The following BCAS3 variants were observed in gnomAD, a reference collection of about 807,000 sequenced individuals.
The protein encoded by BCAS3 is BCAS3 microtubule associated cell migration factor, also known as BCAS4/BCAS3 fusion.
In BCAS3, 53 loss-of-function variants were observed where a neutral mutation model predicts 116.1. That is an observed-to-expected ratio of 0.46 (90% CI 0.37 to 0.57). The LOEUF is 0.57. Ranked by LOEUF, BCAS3 falls within the 20% of genes least tolerant of loss-of-function variation. The probability of loss-of-function intolerance (pLI) is 0.00; values close to 1 mark genes in which losing one functional copy is unlikely to be tolerated. For synonymous variants in BCAS3, 391 were observed against 408.2 expected, an observed-to-expected ratio of 0.96 and a Z score of 0.51; for missense variants, 917 against 1,165.4, an observed-to-expected ratio of 0.79 and a Z score of 3.10.
chr17:61,030,602 G>A (rs571820440), intron 16 of BCAS3, among the ~76,000 whole-genome samples: 57 of 152,076 alleles, frequency 3.7e-4, no homozygotes, highest in Middle Eastern at 6.8e-3. Flanking sequence ...ACAGTTAAGC[G>A]TTTCCTCAGA....
At chr17:60,979,299 CT>C (rs1450980114) in intron 14 of BCAS3, among the ~76,000 whole-genome samples, 4 of 147,724 alleles carry the variant, frequency 2.7e-5, no homozygotes. Context: ...ATTTGGCTCT[CT>C]GTTTGTCTGT....
chr17:61,327,132 A>G lies in BCAS3; in HGVS notation c.2426-41195A>G, dbSNP rs1258111335. ...CACCTGGCCAACATGGTGAAACCTC[A>G]TCTCTACTAAAAATACAAAAATTAG... On this transcript the variant is annotated intron_variant, in intron 22 of 23. Transcript: ENST00000407086. This position sits in a 1 kb window ranked among gnomAD's most constrained non-coding sequence, Gnocchi z 5.9. 1.3e-5 allele frequency among the ~76,000 whole-genome samples: 2 copies of G among 152,060 alleles called. No individual in the cohort carries two copies. The highest frequency in any genetic ancestry group is 3.9e-4 in the East Asian group (2 of 5,154).
chr17:60,695,875 G>A (rs1598106657), intron 4 of BCAS3, among the ~76,000 whole-genome samples: 1 of 152,132 alleles, frequency 6.6e-6, no homozygotes, highest in East Asian at 1.9e-4. Context: ...CTGGGATACA[G>A]GCATGAGCCA....
At chr17:60,812,836 C>T (rs1357434763) in intron 7 of BCAS3, among the ~76,000 whole-genome samples, 1 of 152,136 alleles carries the variant, frequency 6.6e-6, no homozygotes, top group Non-Finnish European at 1.5e-5. Context: ...AACTCCTGGG[C>T]TCAAGAGATC....
rs2144794206 is a variant in BCAS3 at position 61,315,239 on chromosome 17, C to T, written c.2426-53088C>T. On this transcript the variant is annotated intron_variant, in intron 22 of 23. Coordinates refer to ENST00000407086, the MANE Select transcript of BCAS3 (RefSeq NM_017679.5). This position sits in a 1 kb window ranked among gnomAD's most constrained non-coding sequence, Gnocchi z 5.3. ...AAGCAATTCTCGTGTCTCAGCCTCC[C>T]AAGTAGCTGGGATTATAGGCGCCCA... 6.6e-6 allele frequency among the ~76,000 whole-genome samples: 1 copy of T among 152,294 alleles called. No individual in the cohort carries two copies. The highest frequency in any genetic ancestry group is 2.4e-5 in the African/African-American group (1 of 41,562).
chr17:60,958,302 T>G (rs1567965447), intron 14 of BCAS3, among the ~76,000 whole-genome samples: 1 of 152,208 alleles, frequency 6.6e-6, no homozygotes, highest in Non-Finnish European at 1.5e-5. Flanking sequence ...AAAACTATCT[T>G]TTATTCAAAA....
chr17:60,969,656 C>G (rs1441861534), intron 14 of BCAS3, among the ~76,000 whole-genome samples: 1 of 152,188 alleles, frequency 6.6e-6, no homozygotes, highest in South Asian at 2.1e-4. Context: ...TGTTGAAAGA[C>G]ATACATTTAC....
chr17:60,799,662 G>A (rs2047558365), intron 6 of BCAS3, among the ~76,000 whole-genome samples: 1 of 144,228 alleles, frequency 6.9e-6, no homozygotes, highest in African/African-American at 2.6e-5. Context: ...CTGAGTAGCT[G>A]GAATTACAGG....
Position 61,140,402 on chromosome 17 carries a change from AGATGT to A in BCAS3, c.2425+55840_2425+55844del, listed in dbSNP as rs2076856165. ...ACTCTGAAAGTAGAGTGCTGGTGGG[AGATGT>A]GGAACAGGGGACAAGAGATGGAAGG... On this transcript the variant is annotated intron_variant, in intron 22 of 23. Transcript: ENST00000407086. The surrounding 1 kb of genome is among the most constrained non-coding windows in gnomAD (Gnocchi z 4.2). Among the ~76,000 whole-genome samples, 2 of 152,212 alleles carry A rather than the reference AGATGT, an allele frequency of 1.3e-5. No individual in the cohort carries two copies. Among genetic ancestry groups the A allele is most frequent in the African/African-American group, 4.8e-5 (2 of 41,468 alleles).
At chr17:61,150,277 G>A (rs2077473986) in intron 22 of BCAS3, among the ~76,000 whole-genome samples, 1 of 152,070 alleles carries the variant, frequency 6.6e-6, no homozygotes, top group South Asian at 2.1e-4. Flanking sequence ...CACTCTTTAG[G>A]GCCATGGCTG....
intron 22 of BCAS3, among the ~76,000 whole-genome samples, chr17:61,123,729 T>G (rs2075912517): frequency 6.6e-6 from 1 of 152,168 alleles, no homozygotes; most frequent in African/African-American, 2.4e-5. Context: ...GTATTAATAG[T>G]TTGGCTCCTT....
At chr17:61,057,016 C>T (rs2069452348) in intron 19 of BCAS3, among the ~76,000 whole-genome samples, 1 of 152,130 alleles carries the variant, frequency 6.6e-6, no homozygotes, top group African/African-American at 2.4e-5. Flanking sequence ...GAGGGAAATC[C>T]ATTAATTATA....
At chr17:60,678,735 T>C (rs1435738887) in intron 1 of BCAS3, among the ~76,000 whole-genome samples, 2 of 152,228 alleles carry the variant, frequency 1.3e-5, no homozygotes, top group Non-Finnish European at 2.9e-5. Flanking sequence ...GGTAGAGTGA[T>C]ATCATGTCAC....
At position 61,095,165 on chromosome 17, in the gene BCAS3, C is replaced by T. The variant is rs941661534; in HGVS notation, c.2425+10601C>T. Among the ~76,000 whole-genome samples the T allele has an allele frequency of 1.3e-5, 2 of 152,144 alleles. No homozygotes were observed. The highest frequency in any genetic ancestry group is 2.9e-5 in the Non-Finnish European group (2 of 68,020). On this transcript the variant is annotated intron_variant, in intron 22 of 23. Transcript: ENST00000407086. The surrounding 1 kb of genome is among the most constrained non-coding windows in gnomAD (Gnocchi z 4.7). ...AATATACTTTATCTTTTAGCAGTTA[C>T]GTATTTGAGTTAGACCAACTTTTCT... is the stretch of plus-strand genomic sequence containing the variant.
intron 22 of BCAS3, among the ~76,000 whole-genome samples, chr17:61,117,805 A>G (rs937269724): frequency 3.3e-5 from 5 of 152,108 alleles, no homozygotes; most frequent in African/African-American, 1.2e-4. Flanking sequence ...CCTGTTATCA[A>G]GATCCCCCAC....
intron 7 of BCAS3, among the ~76,000 whole-genome samples, chr17:60,865,400 A>G (rs1033370035): frequency 3.3e-5 from 5 of 152,222 alleles, no homozygotes; most frequent in African/African-American, 9.6e-5. Flanking sequence ...TAAGAAAATT[A>G]TAACTCCCAA....
At chr17:60,909,524 A>G (rs2058375922) in intron 11 of BCAS3, among the ~76,000 whole-genome samples, 2 of 152,090 alleles carry the variant, frequency 1.3e-5, no homozygotes, top group African/African-American at 4.8e-5. Context: ...TACCTATATT[A>G]TTTAAAATGT....
chr17:61,062,849 G>A (rs2070207420), intron 19 of BCAS3, among the ~76,000 whole-genome samples: 1 of 152,002 alleles, frequency 6.6e-6, no homozygotes, highest in Non-Finnish European at 1.5e-5. Context: ...AAGATTAGAA[G>A]CAAAAAGAAG....
intron 22 of BCAS3, among the ~76,000 whole-genome samples, chr17:61,250,274 A>G (rs1371584336): frequency 6.6e-6 from 1 of 152,162 alleles, no homozygotes; most frequent in South Asian, 2.1e-4. Context: ...AAGAAAACCT[A>G]ATTACCAATC....
Sources: gnomAD v4.1 joint callset for allele counts (sites outside exome capture counted in the v4.1 genomes callset) on GRCh38, gnomAD v4.1.1 for gene constraint, Gnocchi (gnomAD v3.1) non-coding constraint, MANE v1.5 for transcripts, NCBI Gene and HGNC (gene_info 2026-07-23, HGNC 2026-07-21) for gene names.